The following TMEM232 variants were observed in gnomAD, a reference collection of about 807,000 sequenced individuals.
TMEM232 encodes the protein transmembrane protein 232.
A neutral mutation model predicts 78.8 loss-of-function variants in TMEM232; 80 were observed. The ratio of observed to expected loss-of-function variants is 1.01; its 90% CI spans 0.85 to 1.22. TMEM232 has a LOEUF of 1.22. Ranked by LOEUF, TMEM232 falls within the 50% of genes most tolerant of loss-of-function variation. The pLI is 0.00. For synonymous variants in TMEM232, 297 were observed against 254.3 expected (o/e 1.17, Z -1.60); for missense variants, 881 against 742.2 (o/e 1.19, Z -2.17).
rs1187503065 is a variant in TMEM232, at chr5:110,528,855, A to G, written c.1456-20T>C. On this transcript the variant is annotated intron_variant, in intron 11 of 13. Transcript: ENST00000455884. ...CTCAGCCTGTTGAAAGAAAAGAGAA[A>G]GGAATCAGTTGAAACAGGATTAAAT... The G allele has an allele frequency of 1.4e-6, 2 of 1,403,922 alleles. No individual in the cohort carries two copies. The highest frequency in any genetic ancestry group is 2.9e-5 in the African/African-American group (2 of 68,996). The allele number at this position is 1,403,922 out of a possible 1,614,324, so 87.0% of individuals were successfully genotyped here.
chr5:110,717,671 G>A lies in TMEM232; in HGVS notation c.-13+8956C>T, dbSNP rs1287161337. ...TCCTCACATGTTGAGAGAGGAACTTGGTGGGAGGTGACTGGATCATGGGGT... is the reference window on the plus strand; with the variant it reads ...TCCTCACATGTTGAGAGAGGAACTTAGTGGGAGGTGACTGGATCATGGGGT... On this transcript the variant is annotated intron_variant, in intron 1 of 13. Transcript: ENST00000455884. Among the ~76,000 whole-genome samples, 4 of 152,092 alleles carry A rather than the reference G, an allele frequency of 2.6e-5. No homozygotes were observed. The East Asian group carries it at 7.7e-4, about 29-fold the overall frequency.
chr5:110,670,692 T>G (rs1791244022), intron 1 of TMEM232, among the ~76,000 whole-genome samples: 1 of 152,086 alleles, frequency 6.6e-6, no homozygotes. Context: ...CTAACTTTAA[T>G]GTAAAACAAA....
intron 11 of TMEM232, among the ~76,000 whole-genome samples, chr5:110,555,779 G>C (rs1035905879): frequency 6.6e-6 from 1 of 151,942 alleles, no homozygotes; most frequent in Non-Finnish European, 1.5e-5. Flanking sequence ...TATCAGTGTT[G>C]GTTTAAAATC....
At chr5:110,493,823 G>A (rs950426809) in intron 12 of TMEM232, among the ~76,000 whole-genome samples, 12 of 151,726 alleles carry the variant, frequency 7.9e-5, no homozygotes, top group African/African-American at 2.4e-4. Flanking sequence ...GGGTGCATGT[G>A]CAGAACATGC....
chr5:110,433,217 A>G (rs1758055348), intron 12 of TMEM232, among the ~76,000 whole-genome samples: 10 of 151,826 alleles, frequency 6.6e-5, no homozygotes. Context: ...TCTAAGACTG[A>G]CCACATGCTC....
At chr5:110,722,240 T>G (rs1797720437) in intron 1 of TMEM232, among the ~76,000 whole-genome samples, 1 of 152,198 alleles carries the variant, frequency 6.6e-6, no homozygotes, top group African/African-American at 2.4e-5. Context: ...TTATCTAATT[T>G]GTATAACAAA....
chr5:110,696,288 TGA>T, intron 1 of TMEM232, among the ~76,000 whole-genome samples: 2 of 152,298 alleles, frequency 1.3e-5, no homozygotes, highest in Middle Eastern at 3.4e-3. Flanking sequence ...AATTAGGTAT[TGA>T]TGGGACGTAT....
intron 7 of TMEM232, among the ~76,000 whole-genome samples, chr5:110,622,678 A>G (rs1783903037): frequency 6.6e-6 from 1 of 152,112 alleles, no homozygotes; most frequent in African/African-American, 2.4e-5. Flanking sequence ...TTATAGCAGC[A>G]TGATTTACAG....
intron 11 of TMEM232, among the ~76,000 whole-genome samples, chr5:110,559,612 A>G (rs1277731550): frequency 6.6e-6 from 1 of 152,174 alleles, no homozygotes. Context: ...TGCAAATTAA[A>G]ACTACAATGA....
intron 12 of TMEM232, among the ~76,000 whole-genome samples, chr5:110,451,214 A>G (rs1760239017): frequency 6.9e-6 from 1 of 145,102 alleles, no homozygotes; most frequent in Non-Finnish European, 1.5e-5. Flanking sequence ...TACAGAAGCA[A>G]TTGGCATGTA....
At chr5:110,404,740 T>C (rs1755724179) in intron 2 of TMEM232, among the ~76,000 whole-genome samples, 1 of 152,040 alleles carries the variant, frequency 6.6e-6, no homozygotes, top group African/African-American at 2.4e-5. Flanking sequence ...AATAAAGCCT[T>C]GATGAACTGA....
intron 8 of TMEM232, among the ~76,000 whole-genome samples, 160 bp downstream of exon 8, chr5:110,618,269 A>C (rs1228085103): frequency 6.6e-6 from 1 of 152,178 alleles, no homozygotes; most frequent in Non-Finnish European, 1.5e-5. Flanking sequence ...GAAATGAATT[A>C]ATACTAAACA....
At chr5:110,559,399 A>C (rs1040035742) in intron 11 of TMEM232, among the ~76,000 whole-genome samples, 2 of 152,168 alleles carry the variant, frequency 1.3e-5, no homozygotes, top group Non-Finnish European at 2.9e-5. Context: ...TAACAGCATG[A>C]AAAGCAACTA....
intron 11 of TMEM232, among the ~76,000 whole-genome samples, chr5:110,563,005 AT>A (rs1652072957): frequency 6.6e-6 from 1 of 152,054 alleles, no homozygotes; most frequent in East Asian, 1.9e-4. Flanking sequence ...TTCAATGCAA[AT>A]TAAACACATT....
At chr5:110,506,949 T>G (rs116828733) in intron 12 of TMEM232, among the ~76,000 whole-genome samples, 3,220 of 152,270 alleles carry the variant, frequency 0.021, 85 homozygotes, top group African/African-American at 0.06. Flanking sequence ...CTTGGGCCTA[T>G]AACTTTATCA....
intron 5 of TMEM232, among the ~76,000 whole-genome samples, chr5:110,630,743 G>C (rs1785014825): frequency 6.6e-6 from 1 of 152,110 alleles, no homozygotes; most frequent in South Asian, 2.1e-4. Context: ...CTTTATAACA[G>C]TGTGAGAATG....
Position 110,737,347 on chromosome 5 carries a change from A to T in TMEM232, c.-126+646T>A, listed in dbSNP as rs113987441. 5.0e-3 allele frequency among the ~76,000 whole-genome samples: 754 copies of T among 152,302 alleles called. 9 individuals carry two copies. The highest frequency in any genetic ancestry group is 0.017 in the African/African-American group (713 of 41,572). ...TTCCTATTATGAGCAAGCATGCCAT[A>T]AACATATGTATGTTATCCATGCCAG... On this transcript the variant is annotated intron_variant, in intron 1 of 4. Transcript: ENST00000512886.
intron 12 of TMEM232, among the ~76,000 whole-genome samples, chr5:110,513,377 T>C (rs1159774497): frequency 3.3e-5 from 5 of 152,060 alleles, no homozygotes; most frequent in East Asian, 1.9e-4. Context: ...AGAAAATAAC[T>C]GGAAACCATA....
chr5:110,420,896 C>T lies in TMEM232; in HGVS notation c.1798-140G>A, dbSNP rs956302341. The T allele has an allele frequency of 7.9e-6, 9 of 1,133,042 alleles. No homozygotes were observed. The African/African-American group carries it at 9.9e-5, about 13-fold the overall frequency. 70.2% of individuals were successfully genotyped at this position (1,133,042 alleles called of 1,614,324 possible). A position where few individuals can be genotyped will look rare whatever the true frequency, so the allele number is the denominator to read the frequency against. On this transcript the variant is annotated intron_variant, in intron 13 of 13. Coordinates refer to ENST00000455884, the MANE Select transcript of TMEM232 (RefSeq NM_001039763.4). ...ACATTCCTCAAAAATTTTATATCTACCACACTGGCAAAACACATGTGTCAC... is the reference window on the plus strand; with the variant it reads ...ACATTCCTCAAAAATTTTATATCTATCACACTGGCAAAACACATGTGTCAC...
Sources: allele counts gnomAD v4.1 joint callset (sites outside exome capture counted in the v4.1 genomes callset), GRCh38; gene constraint gnomAD v4.1.1; transcripts MANE v1.5; gene names NCBI Gene and HGNC (gene_info 2026-07-23, HGNC 2026-07-21).